The following LRRC4C variants were observed in gnomAD, a reference collection of about 807,000 sequenced individuals.
LRRC4C encodes the protein leucine-rich repeat-containing protein 4C.
LRRC4C carries 5 observed loss-of-function variants against 33.6 expected under a neutral mutation model. The ratio of observed to expected loss-of-function variants is 0.15; its 90% CI spans 0.08 to 0.31. LRRC4C has a LOEUF of 0.31. Ranked by LOEUF, LRRC4C falls within the 10% of genes least tolerant of loss-of-function variation. The probability of loss-of-function intolerance (pLI) is 1.00; values close to 1 mark genes in which losing one functional copy is unlikely to be tolerated. For missense variants in LRRC4C, 560 were observed against 796.7 expected (o/e 0.70, Z 3.58); for synonymous variants, 329 against 302.0 (o/e 1.09, Z -0.93).
intron 2 of LRRC4C, among the ~76,000 whole-genome samples, chr11:40,793,965 T>G (rs1950723357): frequency 1.3e-5 from 2 of 152,190 alleles, no homozygotes; most frequent in African/African-American, 4.8e-5. Flanking sequence ...TCTTTCTCTA[T>G]TATCTTCATA....
intron 1 of LRRC4C, among the ~76,000 whole-genome samples, chr11:41,327,537 C>T (rs950361128): frequency 1.3e-5 from 2 of 152,186 alleles, no homozygotes; most frequent in Non-Finnish European, 2.9e-5. Flanking sequence ...TCTACTTCTA[C>T]TACTCCAAAT....
intron 2 of LRRC4C, among the ~76,000 whole-genome samples, chr11:40,698,603 G>A (rs1945698375): frequency 1.3e-5 from 2 of 152,148 alleles, no homozygotes; most frequent in Non-Finnish European, 2.9e-5. Context: ...GGAAGGGGAA[G>A]AAAATTAAAA....
chr11:40,708,953 T>C (rs1408982445), intron 2 of LRRC4C, among the ~76,000 whole-genome samples: 2 of 152,200 alleles, frequency 1.3e-5, no homozygotes, highest in African/African-American at 4.8e-5. Flanking sequence ...TTGATCCCTT[T>C]ACCATTATAT....
At chr11:40,297,741 C>T (rs1223335699) in intron 4 of LRRC4C, among the ~76,000 whole-genome samples, 1 of 152,032 alleles carries the variant, frequency 6.6e-6, no homozygotes, top group East Asian at 1.9e-4. Flanking sequence ...CCAAGCCTGT[C>T]TCTATGTATG....
At chr11:40,738,200 C>G (rs1465070301) in intron 2 of LRRC4C, among the ~76,000 whole-genome samples, 1 of 152,268 alleles carries the variant, frequency 6.6e-6, no homozygotes, top group African/African-American at 2.4e-5. Context: ...CCCTTCCCTA[C>G]ACCTTTTGCA....
chr11:41,089,506 T>C (rs1257385136), intron 1 of LRRC4C, among the ~76,000 whole-genome samples: 1 of 152,010 alleles, frequency 6.6e-6, no homozygotes, highest in Non-Finnish European at 1.5e-5. Context: ...TCCCAGGTAA[T>C]GTAAAGGCCA....
At chr11:40,202,418 T>C (rs1170485045) in intron 5 of LRRC4C, among the ~76,000 whole-genome samples, 1 of 151,698 alleles carries the variant, frequency 6.6e-6, no homozygotes, top group Non-Finnish European at 1.5e-5. Context: ...GAAGGGAAAG[T>C]CAAGCAGGGA....
At chr11:40,989,547 C>T (rs1328338304) in intron 1 of LRRC4C, among the ~76,000 whole-genome samples, 1 of 152,088 alleles carries the variant, frequency 6.6e-6, no homozygotes, top group Non-Finnish European at 1.5e-5. Context: ...AAGAGTATGT[C>T]ACTAGGTATT....
intron 2 of LRRC4C, among the ~76,000 whole-genome samples, chr11:40,829,388 G>A (rs1194130557): frequency 6.6e-6 from 1 of 152,014 alleles, no homozygotes; most frequent in African/African-American, 2.4e-5. Context: ...TTGCAGAGCA[G>A]AAACATTCTG....
intron 6 of LRRC4C, among the ~76,000 whole-genome samples, chr11:40,116,667 A>G (rs1855459914): frequency 1.3e-5 from 2 of 152,222 alleles, no homozygotes; most frequent in South Asian, 2.1e-4. Context: ...CAATGTCCAC[A>G]GCAGATTGAA....
intron 3 of LRRC4C, among the ~76,000 whole-genome samples, chr11:40,543,150 A>G (rs1039162576): frequency 1.3e-5 from 2 of 152,096 alleles, no homozygotes; most frequent in Non-Finnish European, 1.5e-5. Context: ...AAAAACTTGC[A>G]GGCCAGTCAT....
intron 3 of LRRC4C, among the ~76,000 whole-genome samples, chr11:40,356,310 G>A (rs1029452184): frequency 6.6e-6 from 1 of 152,124 alleles, no homozygotes; most frequent in African/African-American, 2.4e-5. Context: ...CACCTCCGAT[G>A]TTATGATGAT....
chr11:40,173,381 T>C (rs935141609), intron 5 of LRRC4C, among the ~76,000 whole-genome samples: 1 of 152,234 alleles, frequency 6.6e-6, no homozygotes, highest in Non-Finnish European at 1.5e-5. Context: ...TTGTATGCCA[T>C]GTGACCTGGA....
chr11:40,415,338 T>C (rs1950288785), intron 3 of LRRC4C, among the ~76,000 whole-genome samples: 1 of 152,158 alleles, frequency 6.6e-6, no homozygotes, highest in African/African-American at 2.4e-5. Flanking sequence ...ATAATCCTAA[T>C]TTTATCTTTG....
chr11:40,316,244 A>G (rs187236415), intron 4 of LRRC4C, among the ~76,000 whole-genome samples: 39 of 152,016 alleles, frequency 2.6e-4, no homozygotes, highest in Non-Finnish European at 2.6e-4. Context: ...ATTTATAGAT[A>G]TGTTTTCAGA....
At chr11:40,850,083 T>G (rs771429779) in intron 2 of LRRC4C, among the ~76,000 whole-genome samples, 4 of 151,964 alleles carry the variant, frequency 2.6e-5, no homozygotes, top group Admixed American at 6.6e-5. Flanking sequence ...ACATGCTCCT[T>G]TAGCTCAGAA....
chr11:40,710,023 T>C (rs878908609), intron 2 of LRRC4C, among the ~76,000 whole-genome samples: 3 of 152,184 alleles, frequency 2.0e-5, no homozygotes, highest in Admixed American at 6.5e-5. Context: ...TCCCATGCCA[T>C]GGTTTTCAGC....
chr11:40,988,584 T>G (rs1324744166), intron 1 of LRRC4C, among the ~76,000 whole-genome samples: 2 of 152,114 alleles, frequency 1.3e-5, no homozygotes, highest in African/African-American at 2.4e-5. Context: ...TATGTGGTCA[T>G]TGATACTGCG....
At chr11:40,947,049 G>A (rs770669952) in intron 1 of LRRC4C, among the ~76,000 whole-genome samples, 2 of 152,040 alleles carry the variant, frequency 1.3e-5, no homozygotes, top group Non-Finnish European at 1.5e-5. Context: ...GGCAGAAGTC[G>A]TACATTTTTT....
Sources: allele counts gnomAD v4.1 joint callset (sites outside exome capture counted in the v4.1 genomes callset), GRCh38; gene constraint gnomAD v4.1.1; transcripts MANE v1.5; gene names NCBI Gene and HGNC (gene_info 2026-07-23, HGNC 2026-07-21).